Variants in ERV3-1 observed in about 807,000 individuals in gnomAD.
ERV3-1 encodes endogenous retrovirus group 3 member 1, envelope, also known as endogenous retrovirus group 3 member 1 Env polyprotein.
Under a neutral mutation model 24.6 loss-of-function variants are expected in ERV3-1, and 36 were observed. That is an observed-to-expected ratio of 1.47 (90% CI 1.12 to 1.94). The LOEUF is 1.94. ERV3-1 is among the 30% of genes most tolerant of loss of function. The pLI is 0.00. For missense variants in ERV3-1, 578 were observed against 330.9 expected (o/e 1.75, Z -5.79); for synonymous variants, 211 against 122.6 (o/e 1.72, Z -4.76).
rs1786243673 is a variant in ERV3-1, at chr7:64,990,669, A to G, written c.*543T>C. On this transcript the variant is annotated 3_prime_UTR_variant, in exon 2 of 2. Coordinates refer to ENST00000394323, the MANE Select transcript of ERV3-1 (RefSeq NM_001007253.4). ...ACAAAATCTTTACAGACTTGCAGAA[A>G]TAGTTACAAAAATAGTTGTGAGAGC... is the stretch of plus-strand genomic sequence containing the variant. 6.6e-6 allele frequency: 1 copy of G among 152,286 alleles called. No homozygotes were observed. The highest frequency in any genetic ancestry group is 1.5e-5 in the Non-Finnish European group (1 of 68,080). 9.4% of individuals were successfully genotyped at this position (152,286 alleles called of 1,614,324 possible). A position where few individuals can be genotyped will look rare whatever the true frequency, so the allele number is the denominator to read the frequency against.
At chr7:64,995,253 A>G (rs1786382582) in intron 1 of ERV3-1, among the ~76,000 whole-genome samples, 1 of 152,238 alleles carries the variant, frequency 6.6e-6, no homozygotes, top group Non-Finnish European at 1.5e-5. Context: ...ATAGGGTGGT[A>G]GTGGCTAGTG....
chr7:64,999,225 G>A (rs572096646), intron 1 of ERV3-1, among the ~76,000 whole-genome samples: 32 of 152,300 alleles, frequency 2.1e-4, no homozygotes, highest in East Asian at 1.9e-4. Context: ...TCTCCCCTCC[G>A]GGTTGAAGGT....
intron 1 of ERV3-1, among the ~76,000 whole-genome samples, chr7:64,996,748 C>G (rs570978088): frequency 3.5e-4 from 53 of 152,172 alleles, no homozygotes; most frequent in South Asian, 6.2e-4. Context: ...CCCCTGTAGC[C>G]CCAACAATAG....
intron 1 of ERV3-1, among the ~76,000 whole-genome samples, chr7:64,995,616 G>A (rs983931864): frequency 5.3e-5 from 8 of 152,202 alleles, no homozygotes; most frequent in African/African-American, 1.9e-4. Flanking sequence ...TTGGCGCCAG[G>A]TGGTTGGAGT....
chr7:65,000,076 A>G lies in ERV3-1; in HGVS notation c.-389+6465T>C, dbSNP rs186923682. Among the ~76,000 whole-genome samples, 4 of 152,336 alleles carry G rather than the reference A, an allele frequency of 2.6e-5. No homozygotes were observed. The East Asian group carries it at 7.7e-4, about 29-fold the overall frequency. On this transcript the variant is annotated intron_variant, in intron 1 of 1. Coordinates refer to ENST00000394323, the MANE Select transcript of ERV3-1 (RefSeq NM_001007253.4). ...TACCCCAAAAAATATAAATTATTCTATCATAAAGATACAAAGACATGCATG... is the reference window on the plus strand; with the variant it reads ...TACCCCAAAAAATATAAATTATTCTGTCATAAAGATACAAAGACATGCATG...
At chr7:64,996,670 T>C (rs1481802521) in intron 1 of ERV3-1, among the ~76,000 whole-genome samples, 1 of 152,186 alleles carries the variant, frequency 6.6e-6, no homozygotes, top group Non-Finnish European at 1.5e-5. Context: ...GATACAGGAA[T>C]TTATGTTGGA....
At position 64,991,646 on chromosome 7, in the gene ERV3-1, T is replaced by TG; in HGVS notation, c.1380dup (p.Ile461HisfsTer3). Reference sequence around the variant, plus strand: ...CTTTTCCTTTTAGTTTCATCATAGATGGGGTATCCTAAGGCTTCTCCCTGT... The same window carrying TG: ...CTTTTCCTTTTAGTTTCATCATAGATGGGGGTATCCTAAGGCTTCTCCCTGT... On this transcript the variant is annotated frameshift_variant, in exon 2 of 2. Coordinates refer to ENST00000394323, the MANE Select transcript of ERV3-1 (RefSeq NM_001007253.4). LOFTEE classifies it high-confidence loss of function. The TG allele has an allele frequency of 1.4e-6, 1 of 707,142 alleles. No individual in the cohort carries two copies. The highest frequency in any genetic ancestry group is 2.7e-5 in the East Asian group (1 of 37,514). 43.8% of individuals were successfully genotyped at this position (707,142 alleles called of 1,614,324 possible). A position where few individuals can be genotyped will look rare whatever the true frequency, so the allele number is the denominator to read the frequency against.
intron 1 of ERV3-1, among the ~76,000 whole-genome samples, chr7:65,002,170 G>T (rs1037461964): frequency 6.6e-6 from 1 of 152,242 alleles, no homozygotes; most frequent in East Asian, 1.9e-4. Flanking sequence ...GTGTTCTCCA[G>T]GAACAGTTTA....
chr7:65,004,782 A>G (rs1227039074), intron 1 of ERV3-1: 1 of 151,790 alleles, frequency 6.6e-6, no homozygotes, highest in East Asian at 1.9e-4. Context: ...CACCCTCTCC[A>G]GAGACACTGT....
chr7:64,996,886 A>G (rs1203104098), intron 1 of ERV3-1, among the ~76,000 whole-genome samples: 1 of 152,230 alleles, frequency 6.6e-6, no homozygotes, highest in African/African-American at 2.4e-5. Flanking sequence ...GGGGGGCTAA[A>G]GAGAAGGAGC....
chr7:64,991,880 T>C lies in ERV3-1; in HGVS notation c.1147A>G (p.Asn383Asp). 1 of 766,402 alleles carries C rather than the reference T, an allele frequency of 1.3e-6. No homozygotes were observed. The highest frequency in any genetic ancestry group is 2.4e-6 in the Non-Finnish European group (1 of 417,892). 47.5% of individuals were successfully genotyped at this position (766,402 alleles called of 1,614,324 possible). ...GGGCTTGGGTGTGGTGATTCAGAAT[T>C]ATTGCTTTTGCCCCTCCATAAAGTC... ...GKTLWRGKSNNSESPHPSPFS... is the reference protein window; with the variant it reads ...GKTLWRGKSNDSESPHPSPFS... The change falls in exon 2 of 2, where the codon AAT becomes GAT. Residue 383 changes from asparagine to aspartate, a missense_variant. Asn to Asp is a conservative substitution (Grantham distance 23). Coordinates refer to ENST00000394323, the MANE Select transcript of ERV3-1 (RefSeq NM_001007253.4).
At position 65,006,649 on chromosome 7, in the gene ERV3-1, G is replaced by C. The variant is rs1376260410; in HGVS notation, c.-497C>G. On this transcript the variant is annotated 5_prime_UTR_variant, in exon 1 of 2. Coordinates refer to ENST00000394323, the MANE Select transcript of ERV3-1 (RefSeq NM_001007253.4). ...CTCTAGGAGCAGAAGACACAGAGCA[G>C]TGAAGACTACACCAGAAGCTCCGGC... is the stretch of plus-strand genomic sequence containing the variant. 1 of 1,525,800 alleles carries C rather than the reference G, an allele frequency of 6.6e-7. No individual in the cohort carries two copies. Among genetic ancestry groups the C allele is most frequent in the South Asian group, 1.1e-5 (1 of 89,264 alleles). 94.5% of individuals were successfully genotyped at this position (1,525,800 alleles called of 1,614,324 possible). A position where few individuals can be genotyped will look rare whatever the true frequency, so the allele number is the denominator to read the frequency against.
chr7:64,992,368 A>G lies in ERV3-1; in HGVS notation c.659T>C (p.Leu220Pro), dbSNP rs1481209773. The change falls in exon 2 of 2, where the codon CTA becomes CCA. Residue 220 changes from leucine to proline, a missense_variant. Coordinates refer to ENST00000394323, the MANE Select transcript of ERV3-1 (RefSeq NM_001007253.4). ...PIWTTGLKAP[L>P]GARVSGEEIG... ...TTCTTCACCGCTGACTCGTGCCCCT[A>G]GCGGTGCTTTTAAACCTGTTGTCCA... 1 of 766,274 alleles carries G rather than the reference A, an allele frequency of 1.3e-6. No individual in the cohort carries two copies. Among genetic ancestry groups the G allele is most frequent in the African/African-American group, 1.7e-5 (1 of 59,118 alleles). The allele number at this position is 766,274 out of a possible 1,614,324, so 47.5% of individuals were successfully genotyped here.
chr7:64,995,516 C>G (rs1050950571), intron 1 of ERV3-1, among the ~76,000 whole-genome samples: 1 of 152,124 alleles, frequency 6.6e-6, no homozygotes, highest in Non-Finnish European at 1.5e-5. Flanking sequence ...TTTCACCCTC[C>G]CTTGTGGCTT....
chr7:64,991,372 A>C lies in ERV3-1; in HGVS notation c.1655T>G (p.Leu552Arg). ...KMRNVIYQNR[L>R]ALDYLLAQEE... ...CTGGGCTAGGAGGTAGTCTAAGGCC[A>C]GTCTATTTTGATAAATGACATTTCT... Residue 552 changes from leucine to arginine, a missense_variant, in exon 2 of 2, where the codon CTG becomes CGG. Coordinates refer to ENST00000394323, the MANE Select transcript of ERV3-1 (RefSeq NM_001007253.4). 1 of 704,146 alleles carries C rather than the reference A, an allele frequency of 1.4e-6. No homozygotes were observed. The allele number at this position is 704,146 out of a possible 1,614,324, so 43.6% of individuals were successfully genotyped here.
At chr7:65,004,883 T>C (rs1050284407) in intron 1 of ERV3-1, 2 of 151,522 alleles carry the variant, frequency 1.3e-5, no homozygotes, top group African/African-American at 4.9e-5. Context: ...TTTTTTTTTT[T>C]TTTTTTTGTC....
At chr7:65,006,414 A>G in intron 1 of ERV3-1, 127 bp downstream of exon 1, 1 of 1,436,902 alleles carries the variant, frequency 7.0e-7, no homozygotes, top group Non-Finnish European at 9.8e-7. Flanking sequence ...GAGCTGCGCC[A>G]AGGAGAACTC....
At position 64,993,576 on chromosome 7, in the gene ERV3-1, T is replaced by C. The variant is rs1288019107; in HGVS notation, c.-388-162A>G. Among the ~76,000 whole-genome samples the C allele has an allele frequency of 2.6e-5, 4 of 152,126 alleles. No homozygotes were observed. In the East Asian group the frequency reaches 5.8e-4, roughly 22 times the overall value. Reference sequence around the variant, plus strand: ...GGGCATTCTTTCCTGTACCCAGCCATGGACACTTCACATGGCTATCCCTAA... The same window carrying C: ...GGGCATTCTTTCCTGTACCCAGCCACGGACACTTCACATGGCTATCCCTAA... On this transcript the variant is annotated intron_variant, in intron 1 of 1. Coordinates refer to ENST00000394323, the MANE Select transcript of ERV3-1 (RefSeq NM_001007253.4).
chr7:64,996,591 C>T (rs1169113087), intron 1 of ERV3-1, among the ~76,000 whole-genome samples: 1 of 152,202 alleles, frequency 6.6e-6, no homozygotes, highest in Non-Finnish European at 1.5e-5. Context: ...CCTTGTGACC[C>T]AAAGGTAATC....
Sources: allele counts gnomAD v4.1 joint callset (sites outside exome capture counted in the v4.1 genomes callset), GRCh38; gene constraint gnomAD v4.1.1; transcripts MANE v1.5; gene names NCBI Gene and HGNC (gene_info 2026-07-23, HGNC 2026-07-21).